SLC10A7: variants seen among roughly 807,000 people sequenced by gnomAD.
The protein encoded by SLC10A7 is solute carrier family 10 member 7.
A neutral mutation model predicts 43.2 loss-of-function variants in SLC10A7; 29 were observed. That is an observed-to-expected ratio of 0.67 (90% CI 0.50 to 0.92). The LOEUF (loss-of-function observed/expected upper bound fraction) is 0.92, where lower values mean the gene tolerates loss of function less well. SLC10A7 is among the 40% of genes least tolerant of loss of function. The pLI, the probability that SLC10A7 is intolerant of heterozygous loss-of-function variation, is 0.00. For missense variants in SLC10A7, 295 were observed against 403.2 expected, an observed-to-expected ratio of 0.73 and a Z score of 2.30; for synonymous variants, 152 against 144.8, an observed-to-expected ratio of 1.05 and a Z score of -0.35.
intron 4 of SLC10A7, among the ~76,000 whole-genome samples, chr4:146,502,795 A>G (rs1229050529): frequency 6.6e-6 from 1 of 152,232 alleles, no homozygotes; most frequent in Non-Finnish European, 1.5e-5. Context: ...ATTCCATTGC[A>G]TAAAACTCTA....
chr4:146,400,333 A>G (rs1403278540), intron 5 of SLC10A7, among the ~76,000 whole-genome samples: 2 of 152,094 alleles, frequency 1.3e-5, no homozygotes, highest in African/African-American at 4.8e-5. Flanking sequence ...TGGGATTGGC[A>G]CTGTTAAAAG....
At chr4:146,305,317 T>C (rs1382266516) in intron 7 of SLC10A7, among the ~76,000 whole-genome samples, 1 of 150,844 alleles carries the variant, frequency 6.6e-6, no homozygotes, top group East Asian at 2.0e-4. Flanking sequence ...CAGTAAACTA[T>C]CGCAACAACA....
At chr4:146,473,726 G>T (rs1414035019) in intron 4 of SLC10A7, among the ~76,000 whole-genome samples, 1 of 151,968 alleles carries the variant, frequency 6.6e-6, no homozygotes, top group Non-Finnish European at 1.5e-5. Flanking sequence ...AAAAAAAAAT[G>T]AGTTTCTAGA....
At chr4:146,348,594 A>G (rs1734793879) in intron 5 of SLC10A7, among the ~76,000 whole-genome samples, 1 of 152,192 alleles carries the variant, frequency 6.6e-6, no homozygotes, top group African/African-American at 2.4e-5. Flanking sequence ...GCTTTTAAAC[A>G]TCTAAGAGTC....
intron 6 of SLC10A7, among the ~76,000 whole-genome samples, chr4:146,315,398 A>C (rs765552445): frequency 2.6e-5 from 4 of 152,170 alleles, no homozygotes; most frequent in Non-Finnish European, 5.9e-5. Context: ...ACATCAAAGG[A>C]AAGGAAAGAT....
At chr4:146,459,167 G>A (rs1283786197) in intron 4 of SLC10A7, among the ~76,000 whole-genome samples, 1 of 151,694 alleles carries the variant, frequency 6.6e-6, no homozygotes, top group East Asian at 1.9e-4. Context: ...GACTGTGTAT[G>A]CTAAAGGTTA....
intron 6 of SLC10A7, among the ~76,000 whole-genome samples, chr4:146,307,158 T>C (rs1731637192): frequency 6.6e-6 from 1 of 152,138 alleles, no homozygotes; most frequent in African/African-American, 2.4e-5. Context: ...CGACACATTG[T>C]ATAAAATTCT....
At chr4:146,381,399 C>T (rs1165508970) in intron 5 of SLC10A7, among the ~76,000 whole-genome samples, 1 of 152,132 alleles carries the variant, frequency 6.6e-6, no homozygotes, top group Non-Finnish European at 1.5e-5. Flanking sequence ...CCATGCACAG[C>T]ATCAGGAGGA....
chr4:146,347,426 A>G (rs1734701707), intron 5 of SLC10A7, among the ~76,000 whole-genome samples: 1 of 152,154 alleles, frequency 6.6e-6, no homozygotes, highest in Non-Finnish European at 1.5e-5. Context: ...CAGTGCTAAA[A>G]CTTTGTTTTT....
chr4:146,374,246 T>C (rs1737000166), intron 5 of SLC10A7, among the ~76,000 whole-genome samples: 1 of 152,220 alleles, frequency 6.6e-6, no homozygotes, highest in Admixed American at 6.5e-5. Flanking sequence ...GCACAGGGCC[T>C]ATTATATAAC....
intron 5 of SLC10A7, among the ~76,000 whole-genome samples, chr4:146,328,297 G>A (rs1038045172): frequency 1.3e-5 from 2 of 152,174 alleles, no homozygotes; most frequent in East Asian, 3.8e-4. Flanking sequence ...TTGTCTGGGG[G>A]CCTCGGGATT....
At chr4:146,316,420 T>C (rs1578864451) in intron 6 of SLC10A7, among the ~76,000 whole-genome samples, 4 of 152,160 alleles carry the variant, frequency 2.6e-5, no homozygotes, top group Middle Eastern at 3.4e-3. Context: ...AATGAATTAG[T>C]GCTCTTATAA....
At chr4:146,346,833 T>G (rs1734655585) in intron 5 of SLC10A7, among the ~76,000 whole-genome samples, 2 of 152,120 alleles carry the variant, frequency 1.3e-5, no homozygotes, top group Non-Finnish European at 2.9e-5. Context: ...ATGTTTCAAG[T>G]CAATTTTATA....
At position 146,303,228 on chromosome 4, in the gene SLC10A7, C is replaced by T. The variant is rs79747647; in HGVS notation, c.555+2698G>A. 3.7e-4 allele frequency among the ~76,000 whole-genome samples: 57 copies of T among 152,268 alleles called. No individual in the cohort carries two copies. The East Asian group carries it at 0.01, about 27-fold the overall frequency. On this transcript the variant is annotated intron_variant, in intron 7 of 11. Coordinates refer to ENST00000335472, the MANE Select transcript of SLC10A7 (RefSeq NM_001029998.6). ...TTTGCTGGGACTGCATCATCTCCAT[C>T]CTACTTTATTCACTCTATTGTTCCC...
intron 4 of SLC10A7, among the ~76,000 whole-genome samples, chr4:146,454,874 A>G (rs1170718881): frequency 6.6e-6 from 1 of 151,928 alleles, no homozygotes; most frequent in African/African-American, 2.4e-5. Context: ...TTAAATTGAA[A>G]ATACTATTTA....
intron 6 of SLC10A7, among the ~76,000 whole-genome samples, chr4:146,313,990 A>T (rs74756911): frequency 0.064 from 9,808 of 152,222 alleles, 425 homozygotes; most frequent in South Asian, 0.19. Flanking sequence ...TGTGCTGATA[A>T]TATGTTTTAA....
intron 6 of SLC10A7, 46 bp downstream of exon 6, chr4:146,325,915 G>T: frequency 6.5e-7 from 1 of 1,544,878 alleles, no homozygotes; most frequent in African/African-American, 1.4e-5. Flanking sequence ...AAGGGTTGTA[G>T]ATAGCTTTTA....
intron 5 of SLC10A7, among the ~76,000 whole-genome samples, chr4:146,383,917 A>T (rs1046108236): frequency 2.6e-5 from 4 of 152,206 alleles, no homozygotes; most frequent in Non-Finnish European, 5.9e-5. Context: ...AATTAATGAC[A>T]CCAGATCAGA....
At chr4:146,294,937 A>G (rs9784437) in intron 7 of SLC10A7, among the ~76,000 whole-genome samples, 34,540 of 151,926 alleles carry the variant, frequency 0.23, 4,201 homozygotes, top group African/African-American at 0.32. Context: ...TAAGGACGAT[A>G]GCTGAGACAT....
Sources: gnomAD v4.1 joint callset for allele counts (sites outside exome capture counted in the v4.1 genomes callset) on GRCh38, gnomAD v4.1.1 for gene constraint, MANE v1.5 for transcripts, NCBI Gene and HGNC (gene_info 2026-07-23, HGNC 2026-07-21) for gene names.